Variants in LRBA observed in about 807,000 individuals in gnomAD.
LRBA encodes the protein lipopolysaccharide-responsive and beige-like anchor protein.
Under a neutral mutation model 330.0 loss-of-function variants are expected in LRBA, and 176 were observed. That is an observed-to-expected ratio of 0.53 (90% CI 0.47 to 0.60). The LOEUF (loss-of-function observed/expected upper bound fraction) is 0.60. LRBA is among the 20% of genes least tolerant of loss of function. The pLI is 0.00. For synonymous variants in LRBA, 1,230 were observed against 1,193.0 expected (o/e 1.03, Z -0.64); for missense variants, 3,259 against 3,444.8 (o/e 0.95, Z 1.35).
At chr4:150,711,889 C>T (rs1224507997) in intron 36 of LRBA, among the ~76,000 whole-genome samples, 1 of 152,142 alleles carries the variant, frequency 6.6e-6, no homozygotes, top group Non-Finnish European at 1.5e-5. Flanking sequence ...TTAAAATGCT[C>T]AGTATCATCA....
chr4:150,588,764 T>C (rs1772437091), intron 39 of LRBA, among the ~76,000 whole-genome samples: 1 of 152,220 alleles, frequency 6.6e-6, no homozygotes, highest in Non-Finnish European at 1.5e-5. Flanking sequence ...TTTCTAAGCC[T>C]TCCTTTCCAC....
intron 40 of LRBA, among the ~76,000 whole-genome samples, chr4:150,502,040 C>T (rs1475521153): frequency 3.3e-5 from 5 of 152,200 alleles, no homozygotes; most frequent in Non-Finnish European, 7.3e-5. Context: ...GCATCAAAAG[C>T]TTGCAGGGCA....
At chr4:150,404,023 T>C (rs1273651511) in intron 47 of LRBA, among the ~76,000 whole-genome samples, 1 of 151,886 alleles carries the variant, frequency 6.6e-6, no homozygotes, top group Non-Finnish European at 1.5e-5. Flanking sequence ...CAGAGCGAGA[T>C]TCTGTCTCAA....
At chr4:150,458,406 G>GT (rs1354515552) in intron 44 of LRBA, among the ~76,000 whole-genome samples, 3 of 151,756 alleles carry the variant, frequency 2.0e-5, no homozygotes, top group Non-Finnish European at 2.9e-5. Flanking sequence ...CATTGAACAC[G>GT]TAATAATTCA....
intron 37 of LRBA, among the ~76,000 whole-genome samples, chr4:150,665,878 G>T (rs769868279): frequency 6.6e-6 from 1 of 152,154 alleles, no homozygotes; most frequent in Non-Finnish European, 1.5e-5. Flanking sequence ...CAAAACCTAC[G>T]ATCATTCTTC....
intron 36 of LRBA, among the ~76,000 whole-genome samples, chr4:150,706,189 C>T (rs1386089673): frequency 2.6e-5 from 4 of 151,730 alleles, no homozygotes; most frequent in Non-Finnish European, 4.4e-5. Flanking sequence ...GGAACATAGA[C>T]CTATTAGTAT....
chr4:150,328,386 ATTT>A (rs1733561434), intron 48 of LRBA, among the ~76,000 whole-genome samples: 1 of 152,076 alleles, frequency 6.6e-6, no homozygotes, highest in Non-Finnish European at 1.5e-5. Context: ...TAAAAGAGAA[ATTT>A]AAGTTACTTT....
chr4:150,975,746 A>G (rs1353517008), intron 2 of LRBA, among the ~76,000 whole-genome samples: 16 of 152,104 alleles, frequency 1.1e-4, no homozygotes, highest in Non-Finnish European at 2.9e-5. Context: ...ATAAAAATAA[A>G]TCAATATAAA....
At chr4:150,631,367 G>A (rs898693541) in intron 37 of LRBA, among the ~76,000 whole-genome samples, 1 of 152,102 alleles carries the variant, frequency 6.6e-6, no homozygotes, top group Non-Finnish European at 1.5e-5. Flanking sequence ...TTCTCGGAAT[G>A]AGAGTATAAA....
intron 56 of LRBA, among the ~76,000 whole-genome samples, chr4:150,276,311 G>T (rs1464443813): frequency 6.6e-6 from 1 of 152,024 alleles, no homozygotes; most frequent in Non-Finnish European, 1.5e-5. Flanking sequence ...TAAACGTAAG[G>T]CCTAAAACCA....
At position 150,702,485 on chromosome 4, in the gene LRBA, T is replaced by C. The variant is rs1785210723; in HGVS notation, c.5755-18768A>G. ...CATAGGTGAGACTCCAAATAACTAATACTGCCATTTTACAACCTATGTTTT... is the reference window on the plus strand; with the variant it reads ...CATAGGTGAGACTCCAAATAACTAACACTGCCATTTTACAACCTATGTTTT... On this transcript the variant is annotated intron_variant, in intron 36 of 56. Transcript: ENST00000651943. 2.0e-5 allele frequency among the ~76,000 whole-genome samples: 3 copies of C among 152,296 alleles called. No individual in the cohort carries two copies. In the South Asian group the frequency reaches 6.2e-4, roughly 32 times the overall value.
chr4:150,593,187 A>C (rs1411353920), intron 38 of LRBA, among the ~76,000 whole-genome samples: 1 of 152,152 alleles, frequency 6.6e-6, no homozygotes, highest in East Asian at 1.9e-4. Flanking sequence ...ATTATAATAA[A>C]TTATTATTTT....
chr4:150,828,067 G>A (rs1746535646), intron 30 of LRBA, 113 bp downstream of exon 30: 1 of 855,746 alleles, frequency 1.2e-6, no homozygotes, highest in Non-Finnish European at 1.8e-6. Context: ...TTCTGAGGGA[G>A]TGAAAAGTTA....
chr4:150,832,573 G>A (rs1040604556), intron 28 of LRBA, among the ~76,000 whole-genome samples: 1 of 152,154 alleles, frequency 6.6e-6, no homozygotes, highest in African/African-American at 2.4e-5. Flanking sequence ...TCAAGCCTGG[G>A]CGACAGAGTG....
chr4:150,943,347 C>T (rs1240747745), intron 2 of LRBA, among the ~76,000 whole-genome samples: 3 of 152,196 alleles, frequency 2.0e-5, no homozygotes, highest in African/African-American at 7.2e-5. Context: ...ACTTGAACTT[C>T]TGTGCTCAAG....
chr4:150,922,195 T>A (rs1166948599), intron 4 of LRBA, among the ~76,000 whole-genome samples: 3 of 151,852 alleles, frequency 2.0e-5, no homozygotes, highest in African/African-American at 7.3e-5. Context: ...ACTACATCAA[T>A]CCCCCACCCA....
At chr4:150,895,220 T>C (rs1729931872) in intron 16 of LRBA, among the ~76,000 whole-genome samples, 1 of 152,172 alleles carries the variant, frequency 6.6e-6, no homozygotes, top group Non-Finnish European at 1.5e-5. Context: ...GCAACTGACA[T>C]ATATTGCATT....
chr4:150,289,773 A>G (rs1176353901), intron 53 of LRBA, among the ~76,000 whole-genome samples: 1 of 152,200 alleles, frequency 6.6e-6, no homozygotes, highest in African/African-American at 2.4e-5. Flanking sequence ...AATACCTACT[A>G]CTTGATTTTT....
rs372338353 is a variant in LRBA, at chr4:150,888,186, C to T, written c.2165+4866G>A. Among the ~76,000 whole-genome samples, 38 of 152,114 alleles carry T rather than the reference C, an allele frequency of 2.5e-4. No individual in the cohort carries two copies. In the Middle Eastern group the frequency reaches 0.014, roughly 54 times the overall value. On this transcript the variant is annotated intron_variant, in intron 17 of 56. Transcript: ENST00000651943. ...AAAAAATGATTACAAACACAGAATTCTACATACAACAAAAATATCCTTGGA... is the reference window on the plus strand; with the variant it reads ...AAAAAATGATTACAAACACAGAATTTTACATACAACAAAAATATCCTTGGA...
Sources: gnomAD v4.1 joint callset for allele counts (sites outside exome capture counted in the v4.1 genomes callset) on GRCh38, gnomAD v4.1.1 for gene constraint, MANE v1.5 for transcripts, NCBI Gene and HGNC (gene_info 2026-07-23, HGNC 2026-07-21) for gene names.